The following PRKAG2 variants were observed in gnomAD, a reference collection of about 807,000 sequenced individuals.
The protein encoded by PRKAG2 is protein kinase AMP-activated non-catalytic subunit gamma 2.
A neutral mutation model predicts 69.6 loss-of-function variants in PRKAG2; 26 were observed. That is an observed-to-expected ratio of 0.37 (90% confidence interval 0.27 to 0.52). The LOEUF (loss-of-function observed/expected upper bound fraction) is 0.52. Among genes scored for constraint, PRKAG2 ranks in the 20% least tolerant of loss-of-function variants. PRKAG2 has a pLI of 0.90. For missense variants in PRKAG2, 557 were observed against 740.0 expected, an observed-to-expected ratio of 0.75 and a Z score of 2.87; for synonymous variants, 293 against 285.0, an observed-to-expected ratio of 1.03 and a Z score of -0.28.
At chr7:151,591,541 C>T (rs1813138444) in intron 6 of PRKAG2, among the ~76,000 whole-genome samples, 1 of 152,184 alleles carries the variant, frequency 6.6e-6, no homozygotes, top group Admixed American at 6.5e-5. Flanking sequence ...AGACACCCCT[C>T]CAATGGGAGC....
intron 3 of PRKAG2, among the ~76,000 whole-genome samples, chr7:151,776,739 G>T (rs2076373374): frequency 6.6e-6 from 1 of 152,240 alleles, no homozygotes; most frequent in Non-Finnish European, 1.5e-5. Context: ...GGCAGTGCAG[G>T]CACCCTAGGT....
intron 1 of PRKAG2, among the ~76,000 whole-genome samples, chr7:151,875,685 C>T (rs1179266371): frequency 6.6e-6 from 1 of 151,896 alleles, no homozygotes; most frequent in Non-Finnish European, 1.5e-5. Context: ...ACCGCCCTAC[C>T]CCGCTACGTG....
chr7:151,669,785 C>G (rs1231139460), intron 4 of PRKAG2, among the ~76,000 whole-genome samples: 1 of 142,326 alleles, frequency 7.0e-6, no homozygotes, highest in Non-Finnish European at 1.5e-5. Context: ...CACTTGCACG[C>G]ACACACCTGT....
intron 3 of PRKAG2, among the ~76,000 whole-genome samples, chr7:151,683,298 C>A (rs952354162): frequency 2.0e-5 from 3 of 152,136 alleles, no homozygotes; most frequent in Non-Finnish European, 2.9e-5. Flanking sequence ...CCTGCTGGAA[C>A]GGAATAGCTG....
At chr7:151,776,804 A>G (rs2076378608) in intron 3 of PRKAG2, among the ~76,000 whole-genome samples, 1 of 152,056 alleles carries the variant, frequency 6.6e-6, no homozygotes, top group Non-Finnish European at 1.5e-5. Context: ...GGGCTCATAT[A>G]CCCCAGTGTG....
At position 151,560,609 on chromosome 7, in the gene PRKAG2, C is replaced by T. The variant is rs148197254; in HGVS notation, c.1593G>A (p.Arg531=). ...TATCTGCTTCATTTACCACCACCAG[C>T]CGATGGACCTGCAAAGAGAAAAGCA... ...VDRIVRAEVH[R]LVVVNEADSI... The change falls in exon 15 of 16, where the codon CGG becomes CGA. Residue 531 remains arginine (R), a synonymous_variant. Coordinates refer to ENST00000287878, the MANE Select transcript of PRKAG2 (RefSeq NM_016203.4). 5.4e-3 allele frequency: 8,769 copies of T among 1,613,978 alleles called. 32 individuals are homozygous for T. The highest frequency in any genetic ancestry group is 6.6e-3 in the Non-Finnish European group (7,753 of 1,179,912).
At chr7:151,662,243 C>A (rs1365622363) in intron 4 of PRKAG2, among the ~76,000 whole-genome samples, 2 of 152,200 alleles carry the variant, frequency 1.3e-5, no homozygotes, top group Non-Finnish European at 2.9e-5. Context: ...TTCTCCACAT[C>A]AGACTTCTAA....
chr7:151,704,047 C>T (rs1838205326), intron 3 of PRKAG2, among the ~76,000 whole-genome samples: 1 of 151,528 alleles, frequency 6.6e-6, no homozygotes, highest in Non-Finnish European at 1.5e-5. Context: ...GGATGACAGA[C>T]CGAGACTCTG....
intron 3 of PRKAG2, among the ~76,000 whole-genome samples, chr7:151,754,896 C>G (rs1034072312): frequency 6.6e-6 from 1 of 152,054 alleles, no homozygotes; most frequent in South Asian, 2.1e-4. Flanking sequence ...GGAGCAGCGA[C>G]CTGAAGGAAG....
intron 5 of PRKAG2, among the ~76,000 whole-genome samples, chr7:151,605,290 T>G (rs1197478227): frequency 2.0e-5 from 3 of 151,838 alleles, no homozygotes; most frequent in Non-Finnish European, 4.4e-5. Context: ...GTGCTGGGAT[T>G]ACAGGTGTGA....
intron 1 of PRKAG2, among the ~76,000 whole-genome samples, chr7:151,866,319 A>G (rs1404383467): frequency 6.6e-6 from 1 of 152,240 alleles, no homozygotes. Flanking sequence ...CTGACAAGAC[A>G]CAACAGAGAC....
rs78526029 is a variant in PRKAG2 at position 151,821,617 on chromosome 7, T to C, written c.115-35076A>G. 7.9e-5 allele frequency among the ~76,000 whole-genome samples: 12 copies of C among 152,230 alleles called. No individual in the cohort carries two copies. In the East Asian group the frequency reaches 1.2e-3, roughly 15 times the overall value. On this transcript the variant is annotated intron_variant, in intron 1 of 15. Transcript: ENST00000287878. Reference sequence around the variant, plus strand: ...CCACACTGCACAAAACCATTTTTTTTCTACAAATTGCCCTCTATAACAATG... The same window carrying C: ...CCACACTGCACAAAACCATTTTTTTCCTACAAATTGCCCTCTATAACAATG...
chr7:151,605,272 C>T (rs1238187379), intron 5 of PRKAG2, among the ~76,000 whole-genome samples: 2 of 151,764 alleles, frequency 1.3e-5, no homozygotes, highest in Non-Finnish European at 2.9e-5. Context: ...CTGCCTGAGC[C>T]TCCCAAAGTG....
chr7:151,559,081 G>C, intron 15 of PRKAG2: 1 of 985,436 alleles, frequency 1.0e-6, no homozygotes, highest in Non-Finnish European at 1.2e-6. Context: ...TCTGCCCAGA[G>C]AAGAGGCCTT....
intron 1 of PRKAG2, among the ~76,000 whole-genome samples, chr7:151,854,841 G>A (rs1285326371): frequency 6.6e-6 from 1 of 152,062 alleles, no homozygotes; most frequent in East Asian, 1.9e-4. Flanking sequence ...ACACATCTGA[G>A]CAGAGGGATG....
rs527525469 is a variant in PRKAG2, at chr7:151,566,294, A to C, written c.1234-409T>G. Among the ~76,000 whole-genome samples the C allele has an allele frequency of 9.2e-5, 14 of 152,318 alleles. No individual in the cohort carries two copies. The South Asian group carries it at 2.9e-3, about 32-fold the overall frequency. On this transcript the variant is annotated intron_variant, in intron 11 of 15. Coordinates refer to ENST00000287878, the MANE Select transcript of PRKAG2 (RefSeq NM_016203.4). The stretch of plus-strand genomic sequence containing the variant: ...TGTCAGGATTAAGTAATATTTATTA[A>C]GAACCTATACATTTCCAAACCCAAA...
Position 151,731,548 on chromosome 7 carries a change from A to G in PRKAG2, c.466+49604T>C, listed in dbSNP as rs188784790. The stretch of plus-strand genomic sequence containing the variant: ...TGTGTGTGTGTGTGCGCACAGGTAC[A>G]TGACATGTGTGTGCGAGTGTGTATC... On this transcript the variant is annotated intron_variant, in intron 3 of 15. Coordinates refer to ENST00000287878, the MANE Select transcript of PRKAG2 (RefSeq NM_016203.4). Among the ~76,000 whole-genome samples the G allele has an allele frequency of 5.6e-3, 717 of 128,238 alleles. 3 individuals carry two copies. The highest frequency in any genetic ancestry group is 0.053 in the Middle Eastern group (14 of 264). The allele number at this position is 128,238 out of a possible 152,430, so 84.1% of individuals were successfully genotyped here.
At chr7:151,808,776 T>C (rs1322431213) in intron 1 of PRKAG2, among the ~76,000 whole-genome samples, 1 of 152,002 alleles carries the variant, frequency 6.6e-6, no homozygotes. Context: ...GACAGATGGC[T>C]GCGCGGCCTG....
chr7:151,631,287 T>C (rs752678435), intron 5 of PRKAG2, among the ~76,000 whole-genome samples: 2 of 152,246 alleles, frequency 1.3e-5, no homozygotes, highest in Non-Finnish European at 1.5e-5. Context: ...TCTGAGCTCA[T>C]CACATTTCAT....
Sources: allele counts gnomAD v4.1 joint callset (sites outside exome capture counted in the v4.1 genomes callset), GRCh38; gene constraint gnomAD v4.1.1; transcripts MANE v1.5; gene names NCBI Gene and HGNC (gene_info 2026-07-23, HGNC 2026-07-21).